TP53BP2: variants seen among roughly 807,000 people sequenced by gnomAD.
The protein encoded by TP53BP2 is tumor protein p53 binding protein 2.
In TP53BP2, 62 loss-of-function variants were observed where a neutral mutation model predicts 126.2. The ratio of observed to expected loss-of-function variants is 0.49; its 90% CI spans 0.40 to 0.61. The LOEUF is 0.61. Among genes scored for constraint, TP53BP2 ranks in the 20% least tolerant of loss-of-function variants. The pLI is 0.00. For synonymous variants in TP53BP2, 485 were observed against 502.9 expected, an observed-to-expected ratio of 0.96 and a Z score of 0.48; for missense variants, 1,215 against 1,402.8, an observed-to-expected ratio of 0.87 and a Z score of 2.14.
intron 5 of TP53BP2, among the ~76,000 whole-genome samples, chr1:223,804,810 G>A (rs1191012963): frequency 6.6e-6 from 1 of 152,148 alleles, no homozygotes; most frequent in Non-Finnish European, 1.5e-5. Context: ...GCAAGTCTAT[G>A]TTTCTTCATC....
chr1:223,809,447 A>G (rs1303243178), intron 4 of TP53BP2, among the ~76,000 whole-genome samples: 1 of 151,956 alleles, frequency 6.6e-6, no homozygotes, highest in African/African-American at 2.4e-5. Flanking sequence ...GGCACCTGTA[A>G]TCCCAGCTAC....
At chr1:223,790,510 T>C (rs1005360868) in intron 15 of TP53BP2, among the ~76,000 whole-genome samples, 2 of 151,970 alleles carry the variant, frequency 1.3e-5, no homozygotes, top group East Asian at 1.9e-4. Flanking sequence ...TGAGCCAAGA[T>C]TGTGCCACTG....
chr1:223,793,105 C>A (rs983569052), intron 14 of TP53BP2, among the ~76,000 whole-genome samples, 198 bp downstream of exon 14: 2 of 152,028 alleles, frequency 1.3e-5, no homozygotes, highest in South Asian at 4.1e-4. Flanking sequence ...AAAGCGTGCC[C>A]AAGAGTTCCT....
At chr1:223,797,788 G>GTGTC (rs1316228772) in intron 12 of TP53BP2, among the ~76,000 whole-genome samples, 1 of 151,686 alleles carries the variant, frequency 6.6e-6, no homozygotes, top group African/African-American at 2.4e-5. Context: ...TGATGTGTGT[G>GTGTC]TGTGTATATA....
chr1:223,803,032 G>T, intron 7 of TP53BP2, 137 bp from the exon 8 acceptor site: 1 of 1,025,114 alleles, frequency 9.8e-7, no homozygotes, highest in Non-Finnish European at 1.4e-6. Flanking sequence ...TCATCTCATG[G>T]TTTAAAATTA....
chr1:223,826,219 G>A (rs1272021292), intron 1 of TP53BP2: 1 of 152,248 alleles, frequency 6.6e-6, no homozygotes, highest in African/African-American at 2.4e-5. Context: ...ATTCAAGGAG[G>A]CAAGCAAAAG....
At chr1:223,815,882 G>T (rs985782470) in intron 2 of TP53BP2, among the ~76,000 whole-genome samples, 11 of 152,204 alleles carry the variant, frequency 7.2e-5, no homozygotes, top group Non-Finnish European at 1.5e-4. Flanking sequence ...TGTAGCCTAG[G>T]AGCAAAAGGC....
Position 223,795,858 on chromosome 1 carries a change from C to A in TP53BP2, c.2681G>T (p.Ser894Ile), listed in dbSNP as rs1314893299. ...EPEGPGEDSVSMRPPEITGQV... is the reference protein window; with the variant it reads ...EPEGPGEDSVIMRPPEITGQV... ...CCCGGTGATTTCAGGCGGGCGCATGCTCACCGAGTCTTCTCCGGGCCCTTC... is the reference window on the plus strand; with the variant it reads ...CCCGGTGATTTCAGGCGGGCGCATGATCACCGAGTCTTCTCCGGGCCCTTC... Residue 894 changes from serine (S) to isoleucine (I), a missense_variant, in exon 13 of 18, where the codon AGC becomes ATC. Physicochemically the swap from Ser to Ile is moderately radical, Grantham distance 142. Coordinates refer to ENST00000343537, the MANE Select transcript of TP53BP2 (RefSeq NM_001031685.3). The A allele has an allele frequency of 6.3e-7, 1 of 1,585,344 alleles. No individual in the cohort carries two copies. Among genetic ancestry groups the A allele is most frequent in the South Asian group, 1.1e-5 (1 of 87,888 alleles).
chr1:223,799,811 G>C (rs1662468628), intron 11 of TP53BP2, 88 bp downstream of exon 11: 1 of 1,205,136 alleles, frequency 8.3e-7, no homozygotes, highest in Admixed American at 2.8e-5. Context: ...TGTTTCTTCT[G>C]CTCTCCCTCA....
At chr1:223,786,574 G>A (rs562396793) in intron 16 of TP53BP2, among the ~76,000 whole-genome samples, 9 of 127,138 alleles carry the variant, frequency 7.1e-5, no homozygotes, top group East Asian at 4.4e-4. Context: ...GTGTGTGTGC[G>A]TGTGTGCGTG....
At chr1:223,789,854 A>G (rs970380426) in intron 15 of TP53BP2, among the ~76,000 whole-genome samples, 5 of 152,214 alleles carry the variant, frequency 3.3e-5, no homozygotes, top group African/African-American at 1.2e-4. Context: ...GAGTAATGGT[A>G]AAGGTACAAG....
Position 223,814,258 on chromosome 1 carries a change from G to A in TP53BP2, c.271C>T (p.Pro91Ser), listed in dbSNP as rs1188365389. The change falls in exon 3 of 18, where the codon CCC (proline) becomes TCC (serine). Residue 91 changes from proline to serine, a missense_variant. This residue lies in a region of TP53BP2 where 814 missense variants were observed against 853.0 expected (regional missense o/e 0.95). Transcript: ENST00000343537. ...EVRFFLRHER[P>S]PGRDIVSGPR... ...TACCTACCAATGTCCCTGCCAGGGG[G>A]GCGTTCATGACGAAGGAAGAAGCGA... The A allele has an allele frequency of 1.9e-6, 3 of 1,613,362 alleles. No homozygotes were observed. In the African/African-American group the frequency reaches 4.0e-5, roughly 22 times the overall value.
chr1:223,801,320 C>T (rs16842257), intron 9 of TP53BP2, among the ~76,000 whole-genome samples: 16,535 of 152,194 alleles, frequency 0.11, 1,062 homozygotes, highest in African/African-American at 0.18. Context: ...TAACTCTTTC[C>T]ACAATAAAAT....
chr1:223,820,412 T>C (rs531737026), intron 2 of TP53BP2, among the ~76,000 whole-genome samples: 2 of 152,324 alleles, frequency 1.3e-5, no homozygotes, highest in East Asian at 1.9e-4. Flanking sequence ...GGCTTCTTCA[T>C]GTGATTGTTC....
intron 13 of TP53BP2, among the ~76,000 whole-genome samples, chr1:223,794,265 T>G (rs970248976): frequency 6.6e-6 from 1 of 152,236 alleles, no homozygotes; most frequent in Admixed American, 6.5e-5. Context: ...GTGTGATATA[T>G]GTACTCCACA....
intron 1 of TP53BP2, among the ~76,000 whole-genome samples, chr1:223,843,516 C>G (rs183684566): frequency 9.3e-4 from 142 of 152,296 alleles, no homozygotes; most frequent in Non-Finnish European, 8.8e-5. Flanking sequence ...AAACCATTAT[C>G]TTCAGAATGC....
chr1:223,801,029 C>A (rs1361392849), intron 9 of TP53BP2, among the ~76,000 whole-genome samples: 1 of 152,224 alleles, frequency 6.6e-6, no homozygotes. Flanking sequence ...AGCAAGTCTG[C>A]TTGAACCAGC....
chr1:223,842,046 T>C (rs1184032223), intron 1 of TP53BP2, among the ~76,000 whole-genome samples: 3 of 151,940 alleles, frequency 2.0e-5, no homozygotes, highest in Admixed American at 2.0e-4. Flanking sequence ...GGTTCAAGAT[T>C]CTCCTGCCTC....
At chr1:223,822,165 C>T (rs1344730183) in intron 1 of TP53BP2, among the ~76,000 whole-genome samples, 2 of 152,148 alleles carry the variant, frequency 1.3e-5, no homozygotes, top group Non-Finnish European at 2.9e-5. Context: ...CCACCCACCT[C>T]GGCCTCCCAA....
Sources: gnomAD v4.1 joint callset for allele counts (sites outside exome capture counted in the v4.1 genomes callset) on GRCh38, gnomAD v4.1.1 for gene constraint, gnomAD v4.1.1 regional missense constraint, MANE v1.5 for transcripts, NCBI Gene and HGNC (gene_info 2026-07-23, HGNC 2026-07-21) for gene names.